LRRTM3: variants seen among roughly 807,000 people sequenced by gnomAD.
The protein encoded by LRRTM3 is leucine-rich repeat transmembrane neuronal protein 3.
In LRRTM3, 24 loss-of-function variants were observed where a neutral mutation model predicts 44.7. The observed-to-expected ratio is 0.54, with a 90% CI of 0.39 to 0.76. LRRTM3 has a LOEUF of 0.76. Among genes scored for constraint, LRRTM3 ranks in the 30% least tolerant of loss-of-function variants. The pLI, the probability that LRRTM3 is intolerant of heterozygous loss-of-function variation, is 0.00. For missense variants in LRRTM3, 587 were observed against 702.2 expected, an observed-to-expected ratio of 0.84 and a Z score of 1.85; for synonymous variants, 277 against 278.7, an observed-to-expected ratio of 0.99 and a Z score of 0.06.
At chr10:66,940,692 T>C (rs1459332448) in intron 2 of LRRTM3, among the ~76,000 whole-genome samples, 1 of 152,204 alleles carries the variant, frequency 6.6e-6, no homozygotes, top group Non-Finnish European at 1.5e-5. Context: ...AACTCAGTTT[T>C]AAGATCCAGC....
rs1318842301 is a variant in LRRTM3 at position 67,089,645 on chromosome 10, T to C, written c.1537-7942T>C. 2.6e-5 allele frequency among the ~76,000 whole-genome samples: 4 copies of C among 152,066 alleles called. No homozygotes were observed. The East Asian group carries it at 5.8e-4, about 22-fold the overall frequency. On this transcript the variant is annotated intron_variant, in intron 2 of 2. Transcript: ENST00000361320. ...AAAGAAAAAAGATGGCTACCTCATT[T>C]GGCACACATAAAGGATGAATGATAT...
In LRRTM3 at chr10:67,101,466, A is replaced by C. The variant is rs1225432262; in HGVS notation, c.*3670A>C. On this transcript the variant is annotated 3_prime_UTR_variant, in exon 3 of 3. Coordinates refer to ENST00000361320, the MANE Select transcript of LRRTM3 (RefSeq NM_178011.5). ...CAATTTTCTCCATTTTCTTATAAGA[A>C]AAATAAAATATAATTTATCCAAATT... Among the ~76,000 whole-genome samples, 2 of 151,816 alleles carry C rather than the reference A, an allele frequency of 1.3e-5. No individual in the cohort carries two copies. The highest frequency in any genetic ancestry group is 2.9e-5 in the Non-Finnish European group (2 of 67,840).
rs1856429829 is a variant in LRRTM3 at position 67,071,191 on chromosome 10, G to C, written c.1537-26396G>C. On this transcript the variant is annotated intron_variant, in intron 2 of 2. Coordinates refer to ENST00000361320, the MANE Select transcript of LRRTM3 (RefSeq NM_178011.5). ...GTATAAAATGCATTTACACTCTCCA[G>C]CATTCTTCAATCACTCAGATATTTC... 2.6e-5 allele frequency among the ~76,000 whole-genome samples: 4 copies of C among 152,036 alleles called. No individual in the cohort carries two copies. The South Asian group carries it at 8.3e-4, about 31-fold the overall frequency.
intron 2 of LRRTM3, among the ~76,000 whole-genome samples, chr10:66,957,506 A>G (rs1279384938): frequency 6.7e-6 from 1 of 148,846 alleles, no homozygotes; most frequent in East Asian, 2.0e-4. Flanking sequence ...GTTTTCTTGT[A>G]CTCTTGGGCA....
At chr10:67,001,443 G>C (rs1448283303) in intron 2 of LRRTM3, among the ~76,000 whole-genome samples, 2 of 151,840 alleles carry the variant, frequency 1.3e-5, no homozygotes, top group Non-Finnish European at 2.9e-5. Context: ...AGGAGCTGAA[G>C]ACAGGGGTGG....
intron 2 of LRRTM3, among the ~76,000 whole-genome samples, chr10:67,035,078 T>A (rs1853964990): frequency 6.6e-6 from 1 of 152,220 alleles, no homozygotes; most frequent in South Asian, 2.1e-4. Flanking sequence ...TAGCTCCGCA[T>A]AGCCCAATCT....
In LRRTM3 at chr10:67,026,705, C is replaced by T. The variant is rs561825885; in HGVS notation, c.1537-70882C>T. Among the ~76,000 whole-genome samples the T allele has an allele frequency of 6.3e-4, 96 of 152,122 alleles. 1 individual carries two copies. The highest frequency in any genetic ancestry group is 2.1e-3 in the African/African-American group (86 of 41,510). On this transcript the variant is annotated intron_variant, in intron 2 of 2. Transcript: ENST00000361320. ...CTCTTTCAGTTTGAGCAACCAGTGA[C>T]GAAAAAGTATATTAACGTTCATTTA...
At chr10:66,961,184 A>G (rs1341881282) in intron 2 of LRRTM3, among the ~76,000 whole-genome samples, 1 of 152,184 alleles carries the variant, frequency 6.6e-6, no homozygotes, top group African/African-American at 2.4e-5. Context: ...AGCTAGCTAT[A>G]ATACCTGTAG....
chr10:67,011,339 A>C (rs75794884), intron 2 of LRRTM3, among the ~76,000 whole-genome samples: 2 of 133,286 alleles, frequency 1.5e-5, no homozygotes, highest in Non-Finnish European at 3.2e-5. Context: ...AGTCTGTCTC[A>C]AAAAAAAAAA....
intron 1 of LRRTM3, 102 bp from the exon 2 acceptor site, chr10:66,926,813 TATTTAG>T (rs1167170728): frequency 9.7e-7 from 1 of 1,033,474 alleles, no homozygotes; most frequent in Non-Finnish European, 1.4e-6. Context: ...TGTTAAGTGT[TATTTAG>T]ATTTAAATTT....
In LRRTM3 at chr10:66,982,625, G is replaced by A. The variant is rs575303843; in HGVS notation, c.1536+54173G>A. On this transcript the variant is annotated intron_variant, in intron 2 of 2. Coordinates refer to ENST00000361320, the MANE Select transcript of LRRTM3 (RefSeq NM_178011.5). ...AAATTAGACAAAGACAATTGAAATA[G>A]AAAAAAATTGTTAACCTTGTGAGGT... Among the ~76,000 whole-genome samples, 4 of 152,034 alleles carry A rather than the reference G, an allele frequency of 2.6e-5. No homozygotes were observed. The South Asian group carries it at 6.2e-4, about 24-fold the overall frequency.
intron 2 of LRRTM3, among the ~76,000 whole-genome samples, chr10:66,957,855 A>C (rs1296404580): frequency 6.6e-6 from 1 of 152,062 alleles, no homozygotes; most frequent in Admixed American, 6.6e-5. Flanking sequence ...GAAGGGAGCC[A>C]GAGAAATTAG....
intron 2 of LRRTM3, among the ~76,000 whole-genome samples, chr10:66,947,290 T>G (rs1172336364): frequency 1.3e-5 from 2 of 152,312 alleles, no homozygotes; most frequent in East Asian, 3.9e-4. Flanking sequence ...ATGCATTTCT[T>G]GAGTTGTTCT....
intron 2 of LRRTM3, among the ~76,000 whole-genome samples, chr10:66,972,358 G>A (rs1849767993): frequency 6.6e-6 from 1 of 152,076 alleles, no homozygotes; most frequent in South Asian, 2.1e-4. Context: ...TGAGGTCTAT[G>A]TTGCCCAGGC....
At position 66,927,258 on chromosome 10, in the gene LRRTM3, G is replaced by T. The variant is rs772182776; in HGVS notation, c.342G>T (p.Leu114=). ...ATGGAATACGCAGACTCAAAGAGCT[G>T]ATTCTTAGTTCCAATAGAATCTCCT... is the stretch of plus-strand genomic sequence containing the variant. The part of the protein sequence containing the change: ...AFNGIRRLKE[L]ILSSNRISYF... The change falls in exon 2 of 3, where the codon CTG becomes CTT. Residue 114 remains leucine, a synonymous_variant. Coordinates refer to ENST00000361320, the MANE Select transcript of LRRTM3 (RefSeq NM_178011.5). The surrounding 1 kb of genome is among the most constrained non-coding windows in gnomAD (Gnocchi z 4.7). 1.2e-6 allele frequency: 2 copies of T among 1,614,074 alleles called. No homozygotes were observed. The highest frequency in any genetic ancestry group is 2.7e-5 in the African/African-American group (2 of 75,042).
At chr10:67,089,679 G>A (rs1435813101) in intron 2 of LRRTM3, among the ~76,000 whole-genome samples, 4 of 151,030 alleles carry the variant, frequency 2.6e-5, no homozygotes, top group South Asian at 2.1e-4. Context: ...ATAGTTAGTC[G>A]AATCAGCCAA....
rs1857014165 is a variant in LRRTM3, at chr10:67,080,878, C to G, written c.1537-16709C>G. Among the ~76,000 whole-genome samples the G allele has an allele frequency of 2.0e-5, 3 of 150,848 alleles. No individual in the cohort carries two copies. The South Asian group carries it at 6.3e-4, about 32-fold the overall frequency. On this transcript the variant is annotated intron_variant, in intron 2 of 2. Coordinates refer to ENST00000361320, the MANE Select transcript of LRRTM3 (RefSeq NM_178011.5). ...GAGCCCAGATCTGGCCACTGCACTC[C>G]AGCCTGGGCGAGAGAGCGAGACTCT...
intron 2 of LRRTM3, among the ~76,000 whole-genome samples, chr10:66,971,080 A>G (rs1230518806): frequency 6.6e-6 from 1 of 152,164 alleles, no homozygotes; most frequent in Non-Finnish European, 1.5e-5. Flanking sequence ...AAAAAAATGA[A>G]AATGTATCTA....
rs1847144573 is a variant in LRRTM3, at chr10:66,927,499, A to G, written c.583A>G (p.Ser195Gly). The G allele has an allele frequency of 6.2e-7, 1 of 1,613,990 alleles. No individual in the cohort carries two copies. The highest frequency in any genetic ancestry group is 8.5e-7 in the Non-Finnish European group (1 of 1,180,036). ...LLDLGYNRIR[S>G]LARNVFAGMI... ...GGACCTGGGATATAACCGGATCCGA[A>G]GTTTAGCCAGGAATGTCTTTGCTGG... The change falls in exon 2 of 3, where the codon AGT (serine) becomes GGT (glycine). Residue 195 changes from serine to glycine, a missense_variant. Ser to Gly is a moderately conservative substitution (Grantham distance 56). Transcript: ENST00000361320. This position sits in a 1 kb window ranked among gnomAD's most constrained non-coding sequence, Gnocchi z 4.7.
Sources: allele counts gnomAD v4.1 joint callset (sites outside exome capture counted in the v4.1 genomes callset), GRCh38; gene constraint gnomAD v4.1.1; non-coding constraint Gnocchi (gnomAD v3.1); transcripts MANE v1.5; gene names NCBI Gene and HGNC (gene_info 2026-07-23, HGNC 2026-07-21).